SNTG1: variants seen among roughly 807,000 people sequenced by gnomAD.
SNTG1 encodes the protein syntrophin gamma 1.
A neutral mutation model predicts 74.7 loss-of-function variants in SNTG1; 39 were observed. The observed-to-expected ratio is 0.52, with a 90% CI of 0.40 to 0.68. The LOEUF (loss-of-function observed/expected upper bound fraction) is 0.68, where lower values mean the gene tolerates loss of function less well. Ranked by LOEUF, SNTG1 falls within the 30% of genes least tolerant of loss-of-function variation. SNTG1 has a pLI of 0.00. For missense variants in SNTG1, 685 were observed against 609.5 expected (o/e 1.12, Z -1.30); for synonymous variants, 254 against 217.1 (o/e 1.17, Z -1.49).
chr8:50,335,047 T>C (rs2091095713), intron 2 of SNTG1, among the ~76,000 whole-genome samples: 1 of 152,226 alleles, frequency 6.6e-6, no homozygotes, highest in Admixed American at 6.5e-5. Flanking sequence ...ATATATCCGT[T>C]AAATAATTGA....
intron 8 of SNTG1, among the ~76,000 whole-genome samples, chr8:50,458,647 C>G (rs537358438): frequency 6.6e-6 from 1 of 152,062 alleles, no homozygotes; most frequent in African/African-American, 2.4e-5. Flanking sequence ...AAGCATTTTA[C>G]ATGTCTACAC....
At chr8:50,156,186 C>A (rs2131570402) in intron 1 of SNTG1, among the ~76,000 whole-genome samples, 1 of 152,230 alleles carries the variant, frequency 6.6e-6, no homozygotes, top group Non-Finnish European at 1.5e-5. Flanking sequence ...CATTAGTCAA[C>A]TCTACTAAAA....
chr8:50,097,058 C>T lies in SNTG1; in HGVS notation c.-102-75503C>T, dbSNP rs1477304456. Among the ~76,000 whole-genome samples, 4 of 151,992 alleles carry T rather than the reference C, an allele frequency of 2.6e-5. No individual in the cohort carries two copies. In the South Asian group the frequency reaches 8.3e-4, roughly 32 times the overall value. ...GATCTCTGCTTACTGTAAGCTCCACCTCCTGGGTTCACACCATTCTCCTGC... is the reference window on the plus strand; with the variant it reads ...GATCTCTGCTTACTGTAAGCTCCACTTCCTGGGTTCACACCATTCTCCTGC... On this transcript the variant is annotated intron_variant, in intron 1 of 18. Coordinates refer to ENST00000642720, the MANE Select transcript of SNTG1 (RefSeq NM_018967.5).
chr8:50,082,808 A>T (rs965362780), intron 1 of SNTG1, among the ~76,000 whole-genome samples: 1 of 151,974 alleles, frequency 6.6e-6, no homozygotes, highest in African/African-American at 2.4e-5. Flanking sequence ...ACACACAGTG[A>T]CTCCCATCAA....
chr8:50,706,875 C>T (rs1252745830), intron 16 of SNTG1, among the ~76,000 whole-genome samples: 1 of 151,792 alleles, frequency 6.6e-6, no homozygotes, highest in Non-Finnish European at 1.5e-5. Context: ...AATATAAGTT[C>T]TATCGTAAAA....
At chr8:50,000,646 C>G (rs1814657683) in intron 1 of SNTG1, among the ~76,000 whole-genome samples, 1 of 152,154 alleles carries the variant, frequency 6.6e-6, no homozygotes, top group South Asian at 2.1e-4. Flanking sequence ...AAATAGTCTC[C>G]TTGGCTGCAA....
rs374050277 is a variant in SNTG1 at position 50,107,262 on chromosome 8, G to A, written c.-102-65299G>A. Reference sequence around the variant, plus strand: ...AAAGTGTAACTTGGGCAACATGAAAGAATAAGGTATGGACCTTTTCCCCAT... The same window carrying A: ...AAAGTGTAACTTGGGCAACATGAAAAAATAAGGTATGGACCTTTTCCCCAT... On this transcript the variant is annotated intron_variant, in intron 1 of 18. Transcript: ENST00000642720. Among the ~76,000 whole-genome samples, 11 of 152,216 alleles carry A rather than the reference G, an allele frequency of 7.2e-5. No individual in the cohort carries two copies. In the East Asian group the frequency reaches 1.5e-3, roughly 21 times the overall value.
chr8:50,078,110 T>G (rs1420108466), intron 1 of SNTG1, among the ~76,000 whole-genome samples: 2 of 152,236 alleles, frequency 1.3e-5, no homozygotes, highest in Non-Finnish European at 2.9e-5. Context: ...ACCTTACTGC[T>G]GAACTACCAG....
At chr8:50,277,485 G>A (rs1039911093) in intron 2 of SNTG1, among the ~76,000 whole-genome samples, 5 of 151,806 alleles carry the variant, frequency 3.3e-5, no homozygotes, top group Non-Finnish European at 5.9e-5. Flanking sequence ...ATTTCTTATC[G>A]AAAGTAAGGG....
chr8:50,140,997 CTT>C (rs1390186733), intron 1 of SNTG1, among the ~76,000 whole-genome samples: 1 of 152,100 alleles, frequency 6.6e-6, no homozygotes, highest in Non-Finnish European at 1.5e-5. Flanking sequence ...CCCCTGGAAA[CTT>C]GATAGAAATT....
At chr8:50,783,554 C>T (rs926396691) in intron 18 of SNTG1, among the ~76,000 whole-genome samples, 6 of 152,214 alleles carry the variant, frequency 3.9e-5, no homozygotes, top group African/African-American at 1.2e-4. Flanking sequence ...GTGGGAAAAG[C>T]ACAGTATTCG....
intron 2 of SNTG1, among the ~76,000 whole-genome samples, chr8:50,341,091 T>C (rs10283106): frequency 0.065 from 9,918 of 151,982 alleles, 349 homozygotes; most frequent in African/African-American, 0.072. Context: ...TTGGTTGTAT[T>C]TTTCTGGCTA....
At chr8:50,159,478 T>G (rs868624651) in intron 1 of SNTG1, among the ~76,000 whole-genome samples, 25 of 152,212 alleles carry the variant, frequency 1.6e-4, no homozygotes, top group African/African-American at 6.0e-4. Context: ...AACATTGTTG[T>G]GTCCTCCGCT....
chr8:50,412,137 A>G (rs2092957507), intron 4 of SNTG1, among the ~76,000 whole-genome samples: 1 of 152,230 alleles, frequency 6.6e-6, no homozygotes, highest in African/African-American at 2.4e-5. Flanking sequence ...TATAAGATTC[A>G]TATTAAGGAT....
chr8:50,287,701 G>A (rs2088861741), intron 2 of SNTG1, among the ~76,000 whole-genome samples: 1 of 152,042 alleles, frequency 6.6e-6, no homozygotes, highest in African/African-American at 2.4e-5. Context: ...CTTCCACATT[G>A]TCTGAGCAAT....
chr8:50,662,948 T>G (rs761804505), intron 15 of SNTG1, among the ~76,000 whole-genome samples: 1 of 152,200 alleles, frequency 6.6e-6, no homozygotes, highest in Non-Finnish European at 1.5e-5. Context: ...GTATTAAGGA[T>G]AAATACAACA....
chr8:49,985,796 CTT>C (rs1813100567), intron 1 of SNTG1, among the ~76,000 whole-genome samples: 1 of 151,998 alleles, frequency 6.6e-6, no homozygotes, highest in African/African-American at 2.4e-5. Flanking sequence ...GTTTTTTAAA[CTT>C]TGATTATATT....
At chr8:50,254,852 A>AG (rs1229736795) in intron 2 of SNTG1, among the ~76,000 whole-genome samples, 2 of 20,908 alleles carry the variant, frequency 9.6e-5, no homozygotes, top group Non-Finnish European at 4.8e-4. Context: ...GACTCCTCAA[A>AG]GAAAAAAAAA....
chr8:50,223,591 T>C (rs1236828907), intron 2 of SNTG1, among the ~76,000 whole-genome samples: 1 of 152,022 alleles, frequency 6.6e-6, no homozygotes, highest in African/African-American at 2.4e-5. Flanking sequence ...TACGACCATC[T>C]CATTAAATGC....
Sources: gnomAD v4.1 joint callset for allele counts (sites outside exome capture counted in the v4.1 genomes callset) on GRCh38, gnomAD v4.1.1 for gene constraint, MANE v1.5 for transcripts, NCBI Gene and HGNC (gene_info 2026-07-23, HGNC 2026-07-21) for gene names.